Variants in SDK1 observed in about 807,000 individuals in gnomAD.
The protein encoded by SDK1 is protein sidekick-1.
In SDK1, 157 loss-of-function variants were observed where a neutral mutation model predicts 245.5. The observed-to-expected ratio is 0.64, with a 90% confidence interval of 0.56 to 0.73. SDK1 has a LOEUF of 0.73. Among genes scored for constraint, SDK1 ranks in the 30% least tolerant of loss-of-function variants. The probability of loss-of-function intolerance (pLI) is 0.00; values close to 1 mark genes in which losing one functional copy is unlikely to be tolerated. For missense variants in SDK1, 3,583 were observed against 3,002.3 expected (o/e 1.19, Z -4.52); for synonymous variants, 1,647 against 1,278.5 (o/e 1.29, Z -6.15).
In SDK1 at chr7:3,371,746, C is replaced by T. The variant is rs555712669; in HGVS notation, c.298+69862C>T. ...AGACGTGGAGGACAGATAATGGATC[C>T]TTCACCCAAGAGGAGTTCCTGAACA... On this transcript the variant is annotated intron_variant, in intron 1 of 44. Coordinates refer to ENST00000404826, the MANE Select transcript of SDK1 (RefSeq NM_152744.4). Among the ~76,000 whole-genome samples, 56 of 152,230 alleles carry T rather than the reference C, an allele frequency of 3.7e-4. 1 individual carries two copies. The highest frequency in any genetic ancestry group is 6.8e-4 in the Non-Finnish European group (46 of 68,022).
chr7:3,779,767 C>G (rs1317676744), intron 4 of SDK1, among the ~76,000 whole-genome samples: 1 of 151,584 alleles, frequency 6.6e-6, no homozygotes, highest in African/African-American at 2.4e-5. Context: ...CCCGTCTCTA[C>G]TGGAAATACA....
intron 4 of SDK1, among the ~76,000 whole-genome samples, chr7:3,691,934 A>T (rs1784447388): frequency 6.6e-6 from 1 of 151,916 alleles, no homozygotes; most frequent in Non-Finnish European, 1.5e-5. Flanking sequence ...ATTCACTATG[A>T]CCTTGCTTTT....
intron 14 of SDK1, among the ~76,000 whole-genome samples, chr7:4,002,393 C>T (rs149614583): frequency 2.4e-3 from 362 of 152,256 alleles, no homozygotes; most frequent in African/African-American, 8.2e-3. Context: ...AATTTAAGGG[C>T]GCTTTAATAT....
chr7:4,095,975 A>C (rs916775279), intron 22 of SDK1, among the ~76,000 whole-genome samples: 1 of 152,216 alleles, frequency 6.6e-6, no homozygotes, highest in Admixed American at 6.5e-5. Flanking sequence ...CCAGTCCCTA[A>C]GAGGGGTTCC....
At chr7:3,943,254 A>G (rs998012014) in intron 5 of SDK1, among the ~76,000 whole-genome samples, 1 of 137,034 alleles carries the variant, frequency 7.3e-6, no homozygotes, top group African/African-American at 2.7e-5. Context: ...TGGGGGAGCA[A>G]CTGTGCTCAG....
chr7:4,143,198 G>T (rs1779700381), intron 28 of SDK1, among the ~76,000 whole-genome samples: 1 of 152,116 alleles, frequency 6.6e-6, no homozygotes, highest in Admixed American at 6.5e-5. Flanking sequence ...GGAGCTGCAG[G>T]GGCCTAAGGC....
At chr7:3,352,434 G>T (rs750465020) in intron 1 of SDK1, among the ~76,000 whole-genome samples, 4 of 152,132 alleles carry the variant, frequency 2.6e-5, no homozygotes, top group South Asian at 2.1e-4. Flanking sequence ...GTGCCACGAC[G>T]AGAGATCTGT....
At chr7:3,846,284 A>G (rs907743517) in intron 5 of SDK1, among the ~76,000 whole-genome samples, 3 of 152,222 alleles carry the variant, frequency 2.0e-5, no homozygotes, top group Non-Finnish European at 4.4e-5. Flanking sequence ...AGGGATCTCA[A>G]TAAAGATTTC....
At position 4,026,849 on chromosome 7, in the gene SDK1, A is replaced by G. The variant is rs1164131051; in HGVS notation, c.2602+9497A>G. Among the ~76,000 whole-genome samples, 3 of 152,194 alleles carry G rather than the reference A, an allele frequency of 2.0e-5. No individual in the cohort carries two copies. Among genetic ancestry groups the G allele is most frequent in the African/African-American group, 7.2e-5 (3 of 41,460 alleles). On this transcript the variant is annotated intron_variant, in intron 17 of 44. Coordinates refer to ENST00000404826, the MANE Select transcript of SDK1 (RefSeq NM_152744.4). This position sits in a 1 kb window ranked among gnomAD's most constrained non-coding sequence, Gnocchi z 4.1. ...CAAACGGCAATATGTACACCCACCC[A>G]GCGGTGTGCGGCCGGTGACTCTACC...
chr7:3,537,664 G>A (rs757719919), intron 1 of SDK1, among the ~76,000 whole-genome samples: 2 of 152,196 alleles, frequency 1.3e-5, no homozygotes. Context: ...TTCTAAGCAG[G>A]CTGCTGACTG....
intron 43 of SDK1, 34 bp downstream of exon 43, chr7:4,241,947 G>A (rs1287128150): frequency 6.2e-7 from 1 of 1,606,560 alleles, no homozygotes; most frequent in African/African-American, 1.3e-5. Context: ...GCCCACCTGG[G>A]GATCTGAGCT....
At chr7:3,705,897 G>A (rs1367077525) in intron 4 of SDK1, among the ~76,000 whole-genome samples, 1 of 152,160 alleles carries the variant, frequency 6.6e-6, no homozygotes, top group Non-Finnish European at 1.5e-5. Context: ...CATGATGTTG[G>A]ATGTGGGTTT....
At chr7:3,679,314 C>T (rs1286306537) in intron 4 of SDK1, among the ~76,000 whole-genome samples, 8 of 151,846 alleles carry the variant, frequency 5.3e-5, no homozygotes, top group Non-Finnish European at 1.0e-4. Flanking sequence ...TGCCTGTAAT[C>T]CCAGCACTTT....
intron 13 of SDK1, among the ~76,000 whole-genome samples, chr7:3,977,949 C>T (rs1783093937): frequency 1.3e-5 from 2 of 152,202 alleles, no homozygotes; most frequent in Admixed American, 1.3e-4. Flanking sequence ...CCTTGATGCT[C>T]ACATGCCCTG....
At chr7:3,434,807 G>GC (rs1029424568) in intron 1 of SDK1, among the ~76,000 whole-genome samples, 28 of 152,068 alleles carry the variant, frequency 1.8e-4, no homozygotes, top group African/African-American at 5.6e-4. Context: ...TAGAATCATG[G>GC]GGGGGGACAG....
rs139288861 is a variant in SDK1, at chr7:3,663,644, G to C, written c.713+21539G>C. ...TTCTGGTTTGTCCAGGACTGTCCCAGTTTTAGCACTGAGAGTCCCCTCAGT... is the reference window on the plus strand; with the variant it reads ...TTCTGGTTTGTCCAGGACTGTCCCACTTTTAGCACTGAGAGTCCCCTCAGT... On this transcript the variant is annotated intron_variant, in intron 4 of 44. Coordinates refer to ENST00000404826, the MANE Select transcript of SDK1 (RefSeq NM_152744.4). Among the ~76,000 whole-genome samples the C allele has an allele frequency of 7.2e-3, 1,093 of 152,290 alleles. 15 individuals are homozygous for C. Among genetic ancestry groups the C allele is most frequent in the African/African-American group, 0.025 (1,021 of 41,554 alleles).
At chr7:3,871,121 C>G (rs1780945282) in intron 5 of SDK1, among the ~76,000 whole-genome samples, 1 of 150,964 alleles carries the variant, frequency 6.6e-6, no homozygotes, top group Admixed American at 6.6e-5. Flanking sequence ...GCACATATGT[C>G]AATAGATTTA....
At chr7:3,371,537 C>G (rs756238854) in intron 1 of SDK1, among the ~76,000 whole-genome samples, 1 of 152,120 alleles carries the variant, frequency 6.6e-6, no homozygotes, top group East Asian at 1.9e-4. Context: ...CAGAAACATA[C>G]AAACAAAAAA....
intron 4 of SDK1, among the ~76,000 whole-genome samples, chr7:3,714,729 T>G (rs910960938): frequency 4.6e-5 from 7 of 152,220 alleles, no homozygotes; most frequent in African/African-American, 9.7e-5. Context: ...AAAACAAGTT[T>G]CCATGCTTGA....
Sources: allele counts gnomAD v4.1 joint callset (sites outside exome capture counted in the v4.1 genomes callset), GRCh38; gene constraint gnomAD v4.1.1; non-coding constraint Gnocchi (gnomAD v3.1); transcripts MANE v1.5; gene names NCBI Gene and HGNC (gene_info 2026-07-23, HGNC 2026-07-21).